The following MLIP variants were observed in gnomAD, a reference collection of about 807,000 sequenced individuals.
The protein encoded by MLIP is muscular LMNA-interacting protein.
MLIP carries 79 observed loss-of-function variants against 84.8 expected under a neutral mutation model. The ratio of observed to expected loss-of-function variants is 0.93; its 90% CI spans 0.78 to 1.12. The LOEUF (loss-of-function observed/expected upper bound fraction) is 1.12, where lower values mean the gene tolerates loss of function less well. MLIP is among the 50% of genes most tolerant of loss of function. The pLI is 0.00. For missense variants in MLIP, 1,257 were observed against 1,160.6 expected, an observed-to-expected ratio of 1.08 and a Z score of -1.21; for synonymous variants, 504 against 463.0, an observed-to-expected ratio of 1.09 and a Z score of -1.14.
At chr6:54,035,811 T>C (rs1006418805) in intron 1 of MLIP, among the ~76,000 whole-genome samples, 6 of 151,986 alleles carry the variant, frequency 3.9e-5, no homozygotes, top group Admixed American at 3.9e-4. Context: ...TTAATTGGGG[T>C]TTTTGTTTTC....
At chr6:54,077,873 T>A (rs1224303592) in intron 1 of MLIP, among the ~76,000 whole-genome samples, 1 of 152,254 alleles carries the variant, frequency 6.6e-6, no homozygotes, top group African/African-American at 2.4e-5. Flanking sequence ...TTGAATTATT[T>A]AAACTATTAT....
At chr6:54,173,952 A>G (rs1283219851) in intron 9 of MLIP, among the ~76,000 whole-genome samples, 4 of 149,352 alleles carry the variant, frequency 2.7e-5, no homozygotes, top group Non-Finnish European at 5.9e-5. Context: ...AATTGTTTTG[A>G]TTTTTGGATC....
chr6:54,044,037 A>ATTCCTTT (rs1424064365), intron 1 of MLIP, among the ~76,000 whole-genome samples: 4 of 152,202 alleles, frequency 2.6e-5, no homozygotes, highest in African/African-American at 9.6e-5. Context: ...TGATGACTTT[A>ATTCCTTT]GTGCTTCTTT....
chr6:54,263,891 ATTGAT>A (rs200175382), intron 13 of MLIP, among the ~76,000 whole-genome samples: 4,433 of 152,164 alleles, frequency 0.029, 204 homozygotes, highest in African/African-American at 0.1. Flanking sequence ...TGAAAATAGA[ATTGAT>A]TTATTTGTTG....
chr6:54,163,112 G>A (rs1774825069), intron 8 of MLIP, among the ~76,000 whole-genome samples: 2 of 151,330 alleles, frequency 1.3e-5, no homozygotes, highest in Non-Finnish European at 2.9e-5. Context: ...ATTCATTCTC[G>A]TTTTTGAGTT....
rs752853905 is a variant in MLIP at position 54,149,076 on chromosome 6, C to T, written c.2238C>T (p.Ser746=). The T allele has an allele frequency of 3.1e-6, 5 of 1,612,852 alleles. No homozygotes were observed. The highest frequency in any genetic ancestry group is 4.2e-6 in the Non-Finnish European group (5 of 1,179,256). Residue 746 remains serine, a synonymous_variant, in exon 5 of 14, where the codon AGC becomes AGT. Coordinates refer to ENST00000502396, the MANE Select transcript of MLIP (RefSeq NM_001281747.2). ...KKSKQYKTKS[S]YKAFAAIPTN... is the part of the protein sequence containing the mutation. ...TCTAGCAATACAAGACCAAGTCAAG[C>T]TACAAGGCTTTTGCAGCAATCCCTA...
chr6:54,037,107 G>A (rs1439275608), intron 1 of MLIP, among the ~76,000 whole-genome samples: 2 of 151,926 alleles, frequency 1.3e-5, no homozygotes, highest in African/African-American at 2.4e-5. Context: ...GCAGTCAGAA[G>A]GGGTCTCTAA....
chr6:54,121,295 T>A, intron 1 of MLIP, 152 bp from the exon 2 acceptor site: 1 of 714,780 alleles, frequency 1.4e-6, no homozygotes, highest in Non-Finnish European at 2.3e-6. Context: ...ATAACCATTT[T>A]TATAGGTGTT....
intron 1 of MLIP, among the ~76,000 whole-genome samples, chr6:54,029,752 G>A (rs1764019606): frequency 6.6e-6 from 1 of 152,024 alleles, no homozygotes; most frequent in Admixed American, 6.6e-5. Context: ...CTAAAAGCTT[G>A]AAAATTTCAG....
intron 12 of MLIP, among the ~76,000 whole-genome samples, chr6:54,239,623 CAA>C (rs1231219276): frequency 3.3e-5 from 4 of 122,526 alleles, no homozygotes; most frequent in Non-Finnish European, 7.0e-5. Flanking sequence ...ACTAAAAATA[CAA>C]AAAAAAAAAA....
Position 54,137,905 on chromosome 6 carries a change from T to A in MLIP, c.1836T>A (p.His612Gln), listed in dbSNP as rs1024502088. The change falls in exon 4 of 14, where the codon CAT becomes CAA. Residue 612 changes from histidine (H) to glutamine (Q), a missense_variant. His to Gln is a conservative substitution (Grantham distance 24). Transcript: ENST00000502396. ...TCTCTTCTTCAGAGAAATGTTTCCA[T>A]CCTTCCCCAGCTCTTTCAAGCCTGA... ...ATFSSSEKCF[H>Q]PSPALSSLIN... The A allele has an allele frequency of 6.5e-7, 1 of 1,536,102 alleles. No homozygotes were observed. The highest frequency in any genetic ancestry group is 8.7e-7 in the Non-Finnish European group (1 of 1,146,894).
intron 1 of MLIP, among the ~76,000 whole-genome samples, chr6:54,054,363 T>C (rs1418690122): frequency 6.6e-6 from 1 of 151,130 alleles, no homozygotes; most frequent in East Asian, 1.9e-4. Flanking sequence ...ACAGGGTGGA[T>C]TGTGTCAGAT....
chr6:54,252,236 A>G (rs1367129822), intron 12 of MLIP, among the ~76,000 whole-genome samples: 1 of 113,190 alleles, frequency 8.8e-6, no homozygotes, highest in East Asian at 2.8e-4. Context: ...ATAACATATA[A>G]TATATAAGTA....
Position 54,202,113 on chromosome 6 carries a change from T to C in MLIP, c.2598T>C (p.Pro866=). 6.3e-7 allele frequency: 1 copy of C among 1,584,834 alleles called. No individual in the cohort carries two copies. The highest frequency in any genetic ancestry group is 8.6e-7 in the Non-Finnish European group (1 of 1,164,110). Reference sequence around the variant, plus strand: ...ATTTTACATTCATGAAGACTAAGCCTGGAGTAATTCGCCCAGTACCTGTAA... The same window carrying C: ...ATTTTACATTCATGAAGACTAAGCCCGGAGTAATTCGCCCAGTACCTGTAA... ...STVSESQLTK[P]GVIRPVPVKS... The change falls in exon 11 of 14, where the codon CCT becomes CCC. Residue 866 remains proline (P), a synonymous_variant. Coordinates refer to ENST00000502396, the MANE Select transcript of MLIP (RefSeq NM_001281747.2).
intron 5 of MLIP, among the ~76,000 whole-genome samples, chr6:54,150,227 A>G (rs1773299698): frequency 6.6e-6 from 1 of 152,286 alleles, no homozygotes; most frequent in South Asian, 2.1e-4. Flanking sequence ...TGTCCAATCC[A>G]TGTTCTGTAT....
At chr6:54,146,407 G>C (rs17755305) in intron 4 of MLIP, among the ~76,000 whole-genome samples, 10,802 of 152,236 alleles carry the variant, frequency 0.071, 554 homozygotes, top group East Asian at 0.23. Context: ...AGAGCAATGA[G>C]GGTAGTGGAA....
chr6:54,118,938 A>G (rs966043133), intron 1 of MLIP, among the ~76,000 whole-genome samples: 3 of 152,250 alleles, frequency 2.0e-5, no homozygotes, highest in African/African-American at 7.2e-5. Flanking sequence ...GATGCTCATA[A>G]TGAAAAAGAT....
intron 9 of MLIP, among the ~76,000 whole-genome samples, chr6:54,183,114 GT>G (rs1777048041): frequency 6.6e-6 from 1 of 151,736 alleles, no homozygotes; most frequent in African/African-American, 2.4e-5. Flanking sequence ...TCAAATAAAG[GT>G]CATCCCAATT....
intron 11 of MLIP, among the ~76,000 whole-genome samples, chr6:54,219,162 T>C (rs7768286): frequency 0.84 from 126,784 of 151,570 alleles, 53,571 homozygotes; most frequent in East Asian, 0.98. Context: ...GCCGAGATCA[T>C]GCCACTGTAC....
Sources: gnomAD v4.1 joint callset for allele counts (sites outside exome capture counted in the v4.1 genomes callset) on GRCh38, gnomAD v4.1.1 for gene constraint, MANE v1.5 for transcripts, NCBI Gene and HGNC (gene_info 2026-07-23, HGNC 2026-07-21) for gene names.